MDGA2: variants seen among roughly 807,000 people sequenced by gnomAD.
MDGA2 encodes the protein MAM domain containing glycosylphosphatidylinositol anchor 2.
MDGA2 carries 40 observed loss-of-function variants against 117.8 expected under a neutral mutation model. The ratio of observed to expected loss-of-function variants is 0.34; its 90% CI spans 0.26 to 0.44. The LOEUF (loss-of-function observed/expected upper bound fraction) is 0.44. MDGA2 is among the 20% of genes least tolerant of loss of function. The pLI is 1.00. For synonymous variants in MDGA2, 452 were observed against 439.0 expected (o/e 1.03, Z -0.37); for missense variants, 1,123 against 1,250.6 (o/e 0.90, Z 1.54).
chr14:47,267,457 A>T (rs2139691496), intron 2 of MDGA2, among the ~76,000 whole-genome samples: 1 of 152,210 alleles, frequency 6.6e-6, no homozygotes, highest in East Asian at 1.9e-4. Context: ...GTCCATATCC[A>T]ATTTTTAATT....
At chr14:47,312,735 G>T (rs1467811419) in intron 1 of MDGA2, among the ~76,000 whole-genome samples, 1 of 115,890 alleles carries the variant, frequency 8.6e-6, no homozygotes, top group African/African-American at 3.5e-5. Context: ...TTTCCATGCT[G>T]CCCAGGCTGG....
chr14:46,908,063 A>T (rs1031523826), intron 10 of MDGA2, among the ~76,000 whole-genome samples: 1 of 152,206 alleles, frequency 6.6e-6, no homozygotes, highest in Admixed American at 6.5e-5. Flanking sequence ...CACACATATC[A>T]TCACACCACT....
intron 1 of MDGA2, among the ~76,000 whole-genome samples, chr14:47,554,921 A>T (rs1055897759): frequency 6.6e-6 from 1 of 151,960 alleles, no homozygotes; most frequent in Non-Finnish European, 1.5e-5. Flanking sequence ...CTCTTTTCTA[A>T]TTTTTCCCAG....
At chr14:46,850,147 G>A (rs778760720) in intron 15 of MDGA2, among the ~76,000 whole-genome samples, 13 of 151,748 alleles carry the variant, frequency 8.6e-5, no homozygotes, top group East Asian at 1.9e-4. Flanking sequence ...AAATTCAAAC[G>A]GGAATTCTAA....
chr14:47,311,023 T>C (rs1465367418), intron 1 of MDGA2, among the ~76,000 whole-genome samples: 1 of 152,134 alleles, frequency 6.6e-6, no homozygotes, highest in Non-Finnish European at 1.5e-5. Flanking sequence ...TTCAAGGTTC[T>C]TTGAACCAAA....
intron 1 of MDGA2, among the ~76,000 whole-genome samples, chr14:47,510,864 C>T (rs1894624481): frequency 6.6e-6 from 1 of 152,198 alleles, no homozygotes; most frequent in African/African-American, 2.4e-5. Flanking sequence ...GTCATTTACT[C>T]AGCCCAGAAT....
chr14:47,467,290 G>C (rs1312167627), intron 1 of MDGA2, among the ~76,000 whole-genome samples: 1 of 152,082 alleles, frequency 6.6e-6, no homozygotes, highest in African/African-American at 2.4e-5. Flanking sequence ...CTGACTATGG[G>C]TAGCTGAGAT....
chr14:46,867,794 A>C (rs1397466176), intron 14 of MDGA2, among the ~76,000 whole-genome samples: 1 of 152,028 alleles, frequency 6.6e-6, no homozygotes, highest in African/African-American at 2.4e-5. Context: ...ACTCAAGTGT[A>C]CTTTTATAAT....
At chr14:47,356,811 T>C (rs1259656300) in intron 1 of MDGA2, among the ~76,000 whole-genome samples, 2 of 152,150 alleles carry the variant, frequency 1.3e-5, no homozygotes, top group African/African-American at 4.8e-5. Flanking sequence ...CACTAAACTT[T>C]GCATTCTAAA....
chr14:47,188,025 A>T (rs981638497), intron 3 of MDGA2, among the ~76,000 whole-genome samples: 10 of 152,040 alleles, frequency 6.6e-5, no homozygotes, highest in Admixed American at 3.3e-4. Context: ...AAATAGTCTA[A>T]AGGAAAAGAT....
At chr14:47,453,983 A>G (rs1195558158) in intron 1 of MDGA2, among the ~76,000 whole-genome samples, 2 of 152,170 alleles carry the variant, frequency 1.3e-5, no homozygotes, top group African/African-American at 2.4e-5. Context: ...GTAGATGAAC[A>G]TGTTAAAAGA....
At chr14:46,921,143 T>C (rs923449779) in intron 9 of MDGA2, among the ~76,000 whole-genome samples, 1 of 152,196 alleles carries the variant, frequency 6.6e-6, no homozygotes, top group Non-Finnish European at 1.5e-5. Flanking sequence ...TGCAAAATAT[T>C]GTCCTACGTA....
At chr14:47,619,675 G>T (rs1897014709) in intron 1 of MDGA2, among the ~76,000 whole-genome samples, 1 of 152,178 alleles carries the variant, frequency 6.6e-6, no homozygotes, top group South Asian at 2.1e-4. Flanking sequence ...GTACTCACAG[G>T]TCAAGCATAA....
intron 8 of MDGA2, chr14:46,996,395 G>A (rs1019801072): frequency 6.6e-6 from 1 of 152,136 alleles, no homozygotes; most frequent in Non-Finnish European, 1.5e-5. Flanking sequence ...CAACCAAGAT[G>A]TGGAATAGTG....
chr14:47,288,593 T>C (rs4900735), intron 2 of MDGA2, among the ~76,000 whole-genome samples: 23,400 of 152,132 alleles, frequency 0.15, 2,032 homozygotes, highest in South Asian at 0.22. Flanking sequence ...GGGGCCAGGT[T>C]GTAGAAGATA....
intron 15 of MDGA2, among the ~76,000 whole-genome samples, 188 bp downstream of exon 15, chr14:46,854,836 G>C (rs904049815): frequency 1.3e-5 from 2 of 151,720 alleles, no homozygotes; most frequent in African/African-American, 4.8e-5. Flanking sequence ...GAGTATTAAT[G>C]AATAAAGGAA....
intron 5 of MDGA2, among the ~76,000 whole-genome samples, chr14:47,114,997 A>C (rs1881247211): frequency 6.6e-6 from 1 of 151,680 alleles, no homozygotes; most frequent in Non-Finnish European, 1.5e-5. Context: ...CCAACCTACA[A>C]AATGGAAGAA....
At chr14:47,081,109 T>C (rs999615711) in intron 6 of MDGA2, among the ~76,000 whole-genome samples, 1 of 152,142 alleles carries the variant, frequency 6.6e-6, no homozygotes, top group Non-Finnish European at 1.5e-5. Flanking sequence ...GTATTTTACA[T>C]TGTTGACAAC....
At chr14:47,267,036 A>C (rs1887987789) in intron 2 of MDGA2, among the ~76,000 whole-genome samples, 1 of 152,170 alleles carries the variant, frequency 6.6e-6, no homozygotes, top group African/African-American at 2.4e-5. Context: ...GGTAATCAAT[A>C]AACATTTGTT....
Sources: gnomAD v4.1 joint callset for allele counts (sites outside exome capture counted in the v4.1 genomes callset) on GRCh38, gnomAD v4.1.1 for gene constraint, MANE v1.5 for transcripts, NCBI Gene and HGNC (gene_info 2026-07-23, HGNC 2026-07-21) for gene names.